The following SDK1 variants were observed in gnomAD, a reference collection of about 807,000 sequenced individuals.
The protein encoded by SDK1 is sidekick cell adhesion molecule 1, also known as protein sidekick-1.
Under a neutral mutation model 245.5 loss-of-function variants are expected in SDK1, and 157 were observed. The ratio of observed to expected loss-of-function variants is 0.64; its 90% CI spans 0.56 to 0.73. SDK1 has a LOEUF of 0.73. Among genes scored for constraint, SDK1 ranks in the 30% least tolerant of loss-of-function variants. SDK1 has a pLI of 0.00. For synonymous variants in SDK1, 1,647 were observed against 1,278.5 expected, an observed-to-expected ratio of 1.29 and a Z score of -6.15; for missense variants, 3,583 against 3,002.3, an observed-to-expected ratio of 1.19 and a Z score of -4.52.
chr7:3,402,067 A>G (rs140674725), intron 1 of SDK1, among the ~76,000 whole-genome samples: 44 of 152,296 alleles, frequency 2.9e-4, no homozygotes, highest in African/African-American at 9.9e-4. Flanking sequence ...ATGGAACTCA[A>G]TCTGGTTTCT....
At chr7:3,717,580 A>T (rs1785239801) in intron 4 of SDK1, among the ~76,000 whole-genome samples, 1 of 152,234 alleles carries the variant, frequency 6.6e-6, no homozygotes, top group Non-Finnish European at 1.5e-5. Flanking sequence ...GTTGTAAATG[A>T]AATGACCTAT....
intron 4 of SDK1, among the ~76,000 whole-genome samples, chr7:3,820,137 A>G (rs1471067480): frequency 6.6e-6 from 1 of 152,038 alleles, no homozygotes; most frequent in Non-Finnish European, 1.5e-5. Flanking sequence ...TGAATAGTTT[A>G]CTCACATTCA....
intron 1 of SDK1, among the ~76,000 whole-genome samples, chr7:3,370,827 T>C (rs1232650572): frequency 2.0e-5 from 3 of 152,098 alleles, no homozygotes; most frequent in Non-Finnish European, 4.4e-5. Flanking sequence ...TCATGCTGAG[T>C]GGTCCAAGTT....
chr7:3,376,905 G>C (rs1184349474), intron 1 of SDK1, among the ~76,000 whole-genome samples: 1 of 150,684 alleles, frequency 6.6e-6, no homozygotes, highest in Non-Finnish European at 1.5e-5. Context: ...GTTCCTCTTG[G>C]ACTTTCCTGG....
intron 1 of SDK1, among the ~76,000 whole-genome samples, chr7:3,496,499 TTTATC>T (rs1258705433): frequency 2.0e-5 from 3 of 152,154 alleles, no homozygotes; most frequent in Non-Finnish European, 2.9e-5. Context: ...TTGTATGTAC[TTTATC>T]TTATTTTGCT....
intron 5 of SDK1, among the ~76,000 whole-genome samples, chr7:3,926,581 G>A (rs375446514): frequency 1.3e-5 from 2 of 151,972 alleles, no homozygotes; most frequent in South Asian, 2.1e-4. Flanking sequence ...TCTGCCTCAG[G>A]CTCCCCAGGC....
intron 22 of SDK1, among the ~76,000 whole-genome samples, chr7:4,103,544 G>A (rs993939388): frequency 6.6e-6 from 1 of 152,198 alleles, no homozygotes; most frequent in Non-Finnish European, 1.5e-5. Context: ...CCTAGAGGTC[G>A]CTAAGTGTAG....
chr7:3,395,784 T>A (rs976536868), intron 1 of SDK1, among the ~76,000 whole-genome samples: 12 of 151,946 alleles, frequency 7.9e-5, no homozygotes, highest in Non-Finnish European at 1.8e-4. Context: ...GTAAAGTTGT[T>A]AATATTTCTT....
chr7:3,550,982 A>G (rs1483724767), intron 1 of SDK1, among the ~76,000 whole-genome samples: 1 of 152,246 alleles, frequency 6.6e-6, no homozygotes, highest in Non-Finnish European at 1.5e-5. Flanking sequence ...CAGAATGTAT[A>G]GCAGTGTTGA....
chr7:3,885,542 C>T (rs1353026132), intron 5 of SDK1, among the ~76,000 whole-genome samples: 1 of 152,196 alleles, frequency 6.6e-6, no homozygotes. Context: ...CCGTCTAGCA[C>T]CTCAGGCCTG....
At chr7:3,926,401 GT>G (rs1190620967) in intron 5 of SDK1, among the ~76,000 whole-genome samples, 2 of 152,156 alleles carry the variant, frequency 1.3e-5, no homozygotes, top group African/African-American at 4.8e-5. Context: ...TGTTACATTT[GT>G]TTCTATTGTC....
chr7:3,335,408 A>G (rs949204911), intron 1 of SDK1, among the ~76,000 whole-genome samples: 7 of 143,464 alleles, frequency 4.9e-5, no homozygotes, highest in Non-Finnish European at 9.1e-5. Flanking sequence ...TAAGATACAT[A>G]ATGGTACTTA....
chr7:3,723,141 G>A (rs538140757), intron 4 of SDK1, among the ~76,000 whole-genome samples: 2 of 152,196 alleles, frequency 1.3e-5, no homozygotes, highest in Non-Finnish European at 2.9e-5. Flanking sequence ...CGTTTCTCAA[G>A]TGTGTTCTAA....
intron 1 of SDK1, among the ~76,000 whole-genome samples, chr7:3,539,691 G>A (rs765664530): frequency 9.9e-5 from 15 of 152,220 alleles, no homozygotes; most frequent in Admixed American, 2.0e-4. Context: ...ACTAAATGAG[G>A]CAGCGATCAC....
intron 1 of SDK1, among the ~76,000 whole-genome samples, chr7:3,496,847 A>C (rs748150169): frequency 5.9e-5 from 9 of 152,176 alleles, no homozygotes; most frequent in Non-Finnish European, 1.5e-5. Flanking sequence ...CTAGAAGATA[A>C]AATCCTTTCC....
At chr7:3,962,523 AG>A in intron 8 of SDK1, 133 bp from the exon 9 acceptor site, 1 of 729,430 alleles carries the variant, frequency 1.4e-6, no homozygotes, top group East Asian at 2.8e-5. Flanking sequence ...AGCTCCTTAT[AG>A]GGTGGTTGAA....
At chr7:4,104,567 C>T (rs969033348) in intron 22 of SDK1, among the ~76,000 whole-genome samples, 5 of 152,200 alleles carry the variant, frequency 3.3e-5, no homozygotes, top group Admixed American at 1.3e-4. Flanking sequence ...AGCATTCTTT[C>T]TTTCATTCAC....
chr7:3,323,298 C>A (rs1779863597), intron 1 of SDK1, among the ~76,000 whole-genome samples: 1 of 152,174 alleles, frequency 6.6e-6, no homozygotes, highest in Non-Finnish European at 1.5e-5. Context: ...CTGATGGGAA[C>A]CCAATACATG....
chr7:3,442,508 G>A (rs1780223782), intron 1 of SDK1, among the ~76,000 whole-genome samples: 1 of 152,174 alleles, frequency 6.6e-6, no homozygotes, highest in Non-Finnish European at 1.5e-5. Context: ...TCTTTTAAGT[G>A]GAGAATATAC....
Sources: gnomAD v4.1 joint callset for allele counts (sites outside exome capture counted in the v4.1 genomes callset) on GRCh38, gnomAD v4.1.1 for gene constraint, MANE v1.5 for transcripts, NCBI Gene and HGNC (gene_info 2026-07-23, HGNC 2026-07-21) for gene names.